CCT7: variants seen among roughly 807,000 people sequenced by gnomAD.
CCT7 encodes T-complex protein 1 subunit eta.
A neutral mutation model predicts 56.6 loss-of-function variants in CCT7; 16 were observed. The observed-to-expected ratio is 0.28, with a 90% CI of 0.19 to 0.43. CCT7 has a LOEUF of 0.43. Ranked by LOEUF, CCT7 falls within the 20% of genes least tolerant of loss-of-function variation. CCT7 has a pLI of 1.00. For missense variants in CCT7, 519 were observed against 685.6 expected, an observed-to-expected ratio of 0.76 and a Z score of 2.71; for synonymous variants, 262 against 254.8, an observed-to-expected ratio of 1.03 and a Z score of -0.27.
chr2:73,242,898 A>G, intron 3 of CCT7, 106 bp from the exon 4 acceptor site: 2 of 1,376,902 alleles, frequency 1.5e-6, no homozygotes, highest in South Asian at 1.3e-5. Flanking sequence ...CTTGACATCC[A>G]TTTAAATAAT....
At chr2:73,237,046 G>A (rs1402245555) in intron 1 of CCT7, among the ~76,000 whole-genome samples, 1 of 152,246 alleles carries the variant, frequency 6.6e-6, no homozygotes, top group African/African-American at 2.4e-5. Flanking sequence ...ATTGCTTCAT[G>A]TGTGGCCAAA....
intron 11 of CCT7, 27 bp downstream of exon 11, chr2:73,251,459 AG>A: frequency 1.9e-6 from 1 of 515,402 alleles, no homozygotes; most frequent in Non-Finnish European, 3.7e-6. Flanking sequence ...CCCAGGGTTC[AG>A]GGTTTGGGCG....
chr2:73,236,845 C>T (rs1686906558), intron 1 of CCT7, among the ~76,000 whole-genome samples: 1 of 152,190 alleles, frequency 6.6e-6, no homozygotes, highest in Admixed American at 6.5e-5. Context: ...TCTTCAGGGC[C>T]TGCAAAGCAT....
Position 73,252,807 on chromosome 2 carries a change from T to A in CCT7, c.1578T>A (p.Thr526=), listed in dbSNP as rs1222041612. 1.9e-6 allele frequency: 3 copies of A among 1,614,030 alleles called. No homozygotes were observed. In the East Asian group the frequency reaches 6.7e-5, roughly 36 times the overall value. The part of the protein sequence containing the change: ...VDETIKNPRS[T]VDAPTAAGRG... Reference sequence around the variant, plus strand: ...AAACCATCAAGAACCCCCGCTCGACTGTGGATGCTCCCACAGCAGCAGGCC... The same window carrying A: ...AAACCATCAAGAACCCCCGCTCGACAGTGGATGCTCCCACAGCAGCAGGCC... Residue 526 remains threonine, a synonymous_variant, in exon 12 of 12, where the codon ACT becomes ACA. Transcript: ENST00000258091.
rs1427486317 is a variant in CCT7, at chr2:73,252,922, G to C, written c.*61G>C. The C allele has an allele frequency of 1.7e-5, 22 of 1,275,468 alleles. No individual in the cohort carries two copies. The highest frequency in any genetic ancestry group is 2.4e-5 in the Non-Finnish European group (22 of 899,880). The allele number at this position is 1,275,468 out of a possible 1,614,324, so 79.0% of individuals were successfully genotyped here. On this transcript the variant is annotated 3_prime_UTR_variant, in exon 12 of 12. Transcript: ENST00000258091. ...TGGGTGCACTTACCCTCCTTGGCTT[G>C]GTTACTTCATTTTACAAGGAAGGGG... is the stretch of plus-strand genomic sequence containing the variant.
chr2:73,234,610 C>T (rs1190121257), intron 1 of CCT7, among the ~76,000 whole-genome samples: 3 of 152,212 alleles, frequency 2.0e-5, no homozygotes, highest in Non-Finnish European at 4.4e-5. Context: ...AGTCTCTGGG[C>T]TGGCCGGTTG....
At chr2:73,249,680 C>T (rs1432898048) in intron 8 of CCT7, 139 bp from the exon 9 acceptor site, 9 of 661,492 alleles carry the variant, frequency 1.4e-5, no homozygotes, top group Admixed American at 2.2e-5. Flanking sequence ...GGGGAAGGGT[C>T]GCCTGGAAGT....
At chr2:73,245,351 G>A (rs1400506070) in intron 6 of CCT7, among the ~76,000 whole-genome samples, 1 of 152,226 alleles carries the variant, frequency 6.6e-6, no homozygotes, top group African/African-American at 2.4e-5. Context: ...ATTAGCGTGT[G>A]TAGCTCTTAA....
rs757442165 is a variant in CCT7 at position 73,250,420 on chromosome 2, C to T, written c.1185C>T (p.Ile395=). The change falls in exon 10 of 12, where the codon ATC becomes ATT. Residue 395 remains isoleucine (I), a synonymous_variant. Transcript: ENST00000258091. ...GGTCCCTGCATGATGCCATCATGAT[C>T]GTCAGGAGGGCCATCAAGGTACTGG... ...TERSLHDAIM[I]VRRAIKNDSV... 1.2e-6 allele frequency: 2 copies of T among 1,614,020 alleles called. No individual in the cohort carries two copies. Among genetic ancestry groups the T allele is most frequent in the Non-Finnish European group, 8.5e-7 (1 of 1,179,984 alleles).
chr2:73,251,527 C>A, intron 11 of CCT7, 95 bp downstream of exon 11: 1 of 1,115,352 alleles, frequency 9.0e-7, no homozygotes, highest in South Asian at 1.4e-5. Context: ...ACGCCTGGCC[C>A]AGGAGATAGG....
Position 73,251,233 on chromosome 2 carries a change from C to G in CCT7, c.1211C>G (p.Ser404Ter). 1 of 1,614,114 alleles carries G rather than the reference C, an allele frequency of 6.2e-7. No individual in the cohort carries two copies. Among genetic ancestry groups the G allele is most frequent in the Non-Finnish European group, 8.5e-7 (1 of 1,179,992 alleles). The change falls in exon 11 of 12, where the codon TCA (serine) becomes TGA (stop). Residue 404 changes from serine to a stop codon, truncating the protein, a stop_gained. Coordinates refer to ENST00000258091, the MANE Select transcript of CCT7 (RefSeq NM_006429.4). LOFTEE classifies it high-confidence loss of function. ...MIVRRAIKND[S>*]VVAGGGAIEM... ...GTGGTCTGATCTCTGCAGAATGATT[C>G]AGTGGTGGCTGGTGGCGGGGCCATT...
At chr2:73,241,287 A>G (rs1034227059) in intron 3 of CCT7, among the ~76,000 whole-genome samples, 3 of 152,170 alleles carry the variant, frequency 2.0e-5, no homozygotes, top group Middle Eastern at 3.2e-3. Flanking sequence ...GGTATAGCAT[A>G]TATAAAATTA....
rs1011669059 is a variant in CCT7, at chr2:73,251,532, G to A, written c.1410+100G>A. ...CAAGCTGTGCACGCCTGGCCCAGGAGATAGGCTGCAACTCCCCCCAGCCTG... is the reference window on the plus strand; with the variant it reads ...CAAGCTGTGCACGCCTGGCCCAGGAAATAGGCTGCAACTCCCCCCAGCCTG... On this transcript the variant is annotated intron_variant, in intron 11 of 11. Coordinates refer to ENST00000258091, the MANE Select transcript of CCT7 (RefSeq NM_006429.4). 17 of 1,053,456 alleles carry A rather than the reference G, an allele frequency of 1.6e-5. No individual in the cohort carries two copies. In the Admixed American group the frequency reaches 2.0e-4, roughly 13 times the overall value. 65.3% of individuals were successfully genotyped at this position (1,053,456 alleles called of 1,614,324 possible).
chr2:73,239,836 G>C (rs752597599), intron 2 of CCT7, 40 bp downstream of exon 2: 2 of 1,584,560 alleles, frequency 1.3e-6, no homozygotes, highest in Admixed American at 3.4e-5. Flanking sequence ...TGCAGGAAAG[G>C]AGGCTCCTGA....
At chr2:73,250,669 G>C (rs1024678331) in intron 10 of CCT7, among the ~76,000 whole-genome samples, 1 of 152,030 alleles carries the variant, frequency 6.6e-6, no homozygotes, top group Admixed American at 6.6e-5. Context: ...GGGCGTGGTA[G>C]CTCACACCTG....
intron 1 of CCT7, among the ~76,000 whole-genome samples, chr2:73,234,929 A>G (rs1488148009): frequency 6.6e-6 from 1 of 151,978 alleles, no homozygotes; most frequent in African/African-American, 2.4e-5. Context: ...TAATTCATTC[A>G]CTCATTCGCT....
Position 73,247,876 on chromosome 2 carries a change from G to A in CCT7, c.733G>A (p.Glu245Lys). ...GATTGCCCTTTTGAATGTCGAGCTCGAGTTGAAAGCTGAGAAAGACAATGC... is the reference window on the plus strand; with the variant it reads ...GATTGCCCTTTTGAATGTCGAGCTCAAGTTGAAAGCTGAGAAAGACAATGC... ...PKIALLNVEL[E>K]LKAEKDNAEI... is the part of the protein sequence containing the mutation. Residue 245 changes from glutamate (E) to lysine (K), a missense_variant, in exon 7 of 12, where the codon GAG becomes AAG. Physicochemically the swap from Glu to Lys is moderately conservative, Grantham distance 56. This residue lies in a region of CCT7 where 276 missense variants were observed against 357.3 expected (regional missense o/e 0.77). Transcript: ENST00000258091. 1 of 1,614,172 alleles carries A rather than the reference G, an allele frequency of 6.2e-7. No individual in the cohort carries two copies. The highest frequency in any genetic ancestry group is 8.5e-7 in the Non-Finnish European group (1 of 1,180,026).
At chr2:73,250,611 CA>C (rs36051614) in intron 10 of CCT7, among the ~76,000 whole-genome samples, 173 bp downstream of exon 10, 4 of 151,926 alleles carry the variant, frequency 2.6e-5, no homozygotes, top group African/African-American at 9.7e-5. Context: ...CTCAGTTTCT[CA>C]AAAATAGGTC....
At chr2:73,243,380 C>G (rs984460016) in intron 4 of CCT7, among the ~76,000 whole-genome samples, 1 of 152,094 alleles carries the variant, frequency 6.6e-6, no homozygotes, top group Non-Finnish European at 1.5e-5. Flanking sequence ...TTAGTAAGGA[C>G]TAAGAGACTC....
Sources: gnomAD v4.1 joint callset for allele counts (sites outside exome capture counted in the v4.1 genomes callset) on GRCh38, gnomAD v4.1.1 for gene constraint, gnomAD v4.1.1 regional missense constraint, MANE v1.5 for transcripts, NCBI Gene and HGNC (gene_info 2026-07-23, HGNC 2026-07-21) for gene names.